Variants in NRXN1 observed in about 807,000 individuals in gnomAD.
The protein encoded by NRXN1 is neurexin 1.
Under a neutral mutation model 150.9 loss-of-function variants are expected in NRXN1, and 39 were observed. That is an observed-to-expected ratio of 0.26 (90% confidence interval 0.20 to 0.34). The LOEUF (loss-of-function observed/expected upper bound fraction) is 0.34. Among genes scored for constraint, NRXN1 ranks in the 10% least tolerant of loss-of-function variants. NRXN1 has a pLI of 1.00. For missense variants in NRXN1, 1,815 were observed against 1,949.9 expected (o/e 0.93, Z 1.30); for synonymous variants, 924 against 757.0 (o/e 1.22, Z -3.62).
chr2:50,855,809 G>A (rs1172988455), intron 5 of NRXN1, among the ~76,000 whole-genome samples: 1 of 151,978 alleles, frequency 6.6e-6, no homozygotes, highest in East Asian at 1.9e-4. Context: ...TATACTTAAA[G>A]TGTATTATTT....
chr2:50,142,637 T>C (rs544588097), intron 18 of NRXN1, among the ~76,000 whole-genome samples: 2 of 151,830 alleles, frequency 1.3e-5, no homozygotes, highest in Non-Finnish European at 2.9e-5. Flanking sequence ...CTAATTAAGT[T>C]TAAAAAATGA....
chr2:50,829,573 C>G, intron 5 of NRXN1: 1 of 1,612,010 alleles, frequency 6.2e-7, no homozygotes, highest in African/African-American at 1.3e-5. Context: ...AACTGAAGGT[C>G]CATGTAGCCA....
At chr2:50,368,304 G>A (rs895273931) in intron 17 of NRXN1, among the ~76,000 whole-genome samples, 3 of 151,602 alleles carry the variant, frequency 2.0e-5, no homozygotes, top group African/African-American at 7.3e-5. Context: ...TTTAGAGCAA[G>A]AAACATTAAC....
At chr2:50,520,105 T>G (rs1042212764) in intron 12 of NRXN1, among the ~76,000 whole-genome samples, 4 of 151,980 alleles carry the variant, frequency 2.6e-5, no homozygotes, top group Non-Finnish European at 5.9e-5. Flanking sequence ...TGCCAAGTAT[T>G]ATGTGCTATA....
Position 50,163,535 on chromosome 2 carries a change from C to T in NRXN1, c.3547-72041G>A, listed in dbSNP as rs1574260295. On this transcript the variant is annotated intron_variant, in intron 18 of 22. Transcript: ENST00000401669. Reference sequence around the variant, plus strand: ...AGCCTTCTTGGCCAATGTGCTTCTGCCTAAGTGTCACAATCTGTTTTAGGT... The same window carrying T: ...AGCCTTCTTGGCCAATGTGCTTCTGTCTAAGTGTCACAATCTGTTTTAGGT... Among the ~76,000 whole-genome samples the T allele has an allele frequency of 2.0e-5, 3 of 152,170 alleles. No individual in the cohort carries two copies. The South Asian group carries it at 6.2e-4, about 32-fold the overall frequency.
At chr2:50,811,725 T>C (rs546527663) in intron 5 of NRXN1, among the ~76,000 whole-genome samples, 88 of 152,292 alleles carry the variant, frequency 5.8e-4, no homozygotes, top group African/African-American at 2.0e-3. Context: ...TTGAATGTCT[T>C]TGTATAAACT....
chr2:50,208,536 A>G (rs1574498683), intron 18 of NRXN1, among the ~76,000 whole-genome samples: 4 of 152,034 alleles, frequency 2.6e-5, no homozygotes, highest in Admixed American at 2.6e-4. Flanking sequence ...ATTCACTAAA[A>G]TGCTATTTGC....
intron 5 of NRXN1, among the ~76,000 whole-genome samples, chr2:50,730,025 C>A (rs889096829): frequency 2.0e-5 from 3 of 152,146 alleles, no homozygotes; most frequent in African/African-American, 7.2e-5. Flanking sequence ...CATCTTGCAG[C>A]CACTCTCTCG....
chr2:49,996,903 C>T (rs955022737), intron 21 of NRXN1, among the ~76,000 whole-genome samples: 1 of 152,172 alleles, frequency 6.6e-6, no homozygotes, highest in Non-Finnish European at 1.5e-5. Context: ...TATACTACAT[C>T]TTAGTCCAAA....
intron 17 of NRXN1, among the ~76,000 whole-genome samples, chr2:50,391,488 T>C (rs1481515874): frequency 5.3e-5 from 8 of 152,148 alleles, no homozygotes; most frequent in Non-Finnish European, 1.0e-4. Context: ...ACATTTGAAA[T>C]ACAATAAAAG....
chr2:50,105,190 G>A (rs911195964), intron 18 of NRXN1: 2 of 152,116 alleles, frequency 1.3e-5, no homozygotes, highest in East Asian at 1.9e-4. Flanking sequence ...ATTTTAGGAG[G>A]TTTGTATACT....
At chr2:50,240,439 T>A (rs1483417532) in intron 17 of NRXN1, among the ~76,000 whole-genome samples, 2 of 151,766 alleles carry the variant, frequency 1.3e-5, no homozygotes, top group Non-Finnish European at 3.0e-5. Flanking sequence ...TTTTAAAAAA[T>A]TAACTTTGCA....
intron 9 of NRXN1, chr2:50,547,644 G>C (rs2093524786): frequency 6.6e-6 from 1 of 152,166 alleles, no homozygotes; most frequent in African/African-American, 2.4e-5. Context: ...CACTGACTTA[G>C]GGGTTTTGCC....
At chr2:50,419,831 C>A (rs111488567) in intron 17 of NRXN1, among the ~76,000 whole-genome samples, 3,518 of 152,160 alleles carry the variant, frequency 0.023, 57 homozygotes, top group Non-Finnish European at 0.036. Context: ...GAATTTTACA[C>A]TTAAATAGAC....
intron 12 of NRXN1, among the ~76,000 whole-genome samples, chr2:50,525,623 G>A (rs1034254178): frequency 2.6e-5 from 4 of 152,206 alleles, no homozygotes. Flanking sequence ...ACTCGTCTGG[G>A]ATTGTGTGCA....
intron 5 of NRXN1, among the ~76,000 whole-genome samples, chr2:50,921,199 T>C (rs1181229833): frequency 6.6e-6 from 1 of 151,758 alleles, no homozygotes; most frequent in Non-Finnish European, 1.5e-5. Flanking sequence ...ATGAGGATGG[T>C]TTTAAATGGC....
chr2:50,819,741 G>A (rs1273446806), intron 5 of NRXN1, among the ~76,000 whole-genome samples: 1 of 151,632 alleles, frequency 6.6e-6, no homozygotes, highest in Non-Finnish European at 1.5e-5. Flanking sequence ...GATTTTTAGA[G>A]CAGTGATTAT....
At chr2:50,954,238 A>C (rs1285798162) in intron 2 of NRXN1, among the ~76,000 whole-genome samples, 1 of 152,208 alleles carries the variant, frequency 6.6e-6, no homozygotes, top group Non-Finnish European at 1.5e-5. Context: ...ATGAAAGTCA[A>C]ACAGTATGAT....
At chr2:50,032,850 G>T (rs1689387239) in intron 21 of NRXN1, among the ~76,000 whole-genome samples, 1 of 151,706 alleles carries the variant, frequency 6.6e-6, no homozygotes. Flanking sequence ...TTTAATATTG[G>T]ACTTTCCAGG....
Sources: gnomAD v4.1 joint callset for allele counts (sites outside exome capture counted in the v4.1 genomes callset) on GRCh38, gnomAD v4.1.1 for gene constraint, MANE v1.5 for transcripts, NCBI Gene and HGNC (gene_info 2026-07-23, HGNC 2026-07-21) for gene names.